Variants in TC2N observed in about 807,000 individuals in gnomAD.
TC2N encodes the protein tandem C2 domains, nuclear, also known as tandem C2 domains nuclear protein.
A neutral mutation model predicts 61.9 loss-of-function variants in TC2N; 51 were observed. The ratio of observed to expected loss-of-function variants is 0.82; its 90% CI spans 0.66 to 1.04. The LOEUF (loss-of-function observed/expected upper bound fraction) is 1.04. Among genes scored for constraint, TC2N ranks in the 50% least tolerant of loss-of-function variants. The pLI is 0.00. For missense variants in TC2N, 556 were observed against 566.7 expected, an observed-to-expected ratio of 0.98 and a Z score of 0.19; for synonymous variants, 204 against 192.6, an observed-to-expected ratio of 1.06 and a Z score of -0.49.
chr14:91,852,464 C>A (rs974605669), intron 1 of TC2N, among the ~76,000 whole-genome samples: 1 of 152,030 alleles, frequency 6.6e-6, no homozygotes, highest in East Asian at 1.9e-4. Flanking sequence ...CTAGCCTTAA[C>A]TTTTTCAATC....
At chr14:91,824,849 G>T (rs1268493940) in intron 1 of TC2N, among the ~76,000 whole-genome samples, 1 of 152,042 alleles carries the variant, frequency 6.6e-6, no homozygotes. Context: ...AGCTAGCAAA[G>T]TTCTTGATGG....
At chr14:91,792,608 T>C (rs780057901) in intron 8 of TC2N, 50 bp from the exon 9 acceptor site, 25 of 847,144 alleles carry the variant, frequency 3.0e-5, no homozygotes, top group Admixed American at 2.7e-4. Flanking sequence ...AAGGCTTATA[T>C]GCCAATACAA....
intron 4 of TC2N, among the ~76,000 whole-genome samples, chr14:91,801,321 G>T (rs1307826345): frequency 2.0e-5 from 3 of 152,100 alleles, no homozygotes; most frequent in Non-Finnish European, 4.4e-5. Context: ...AATAGCTGTT[G>T]AAGAGTTTAT....
chr14:91,783,871 C>T (rs1354410225), intron 11 of TC2N, among the ~76,000 whole-genome samples: 1 of 152,144 alleles, frequency 6.6e-6, no homozygotes, highest in Non-Finnish European at 1.5e-5. Context: ...TTGAAGTTAA[C>T]TTCTCTGAGA....
chr14:91,783,734 T>G (rs1392972883), intron 11 of TC2N, among the ~76,000 whole-genome samples: 1 of 152,102 alleles, frequency 6.6e-6, no homozygotes. Context: ...AAATACTACA[T>G]GTGAATGTAT....
chr14:91,784,373 A>C (rs140338944), intron 11 of TC2N, among the ~76,000 whole-genome samples: 6 of 152,310 alleles, frequency 3.9e-5, no homozygotes, highest in Non-Finnish European at 5.9e-5. Context: ...CATTTTAATT[A>C]GTATTTTACG....
At position 91,836,587 on chromosome 14, in the gene TC2N, A is replaced by AGGCGG. The variant is rs1888023962; in HGVS notation, c.-56-22767_-56-22763dup. The AGGCGG allele has an allele frequency of 2.1e-5, 3 of 143,732 alleles. No homozygotes were observed. The South Asian group carries it at 6.4e-4, about 31-fold the overall frequency. 8.9% of individuals were successfully genotyped at this position (143,732 alleles called of 1,614,324 possible). On this transcript the variant is annotated intron_variant, in intron 1 of 11. Transcript: ENST00000435962. ...GGGCGCTAAGGGGCGAGGCGAGGCA[A>AGGCGG]GGCGGGGAGGGGCGAGGCAAGGCGG...
chr14:91,784,242 C>T (rs904512018), intron 11 of TC2N, among the ~76,000 whole-genome samples: 6 of 152,024 alleles, frequency 3.9e-5, no homozygotes, highest in African/African-American at 7.2e-5. Context: ...AGTTGAGGCT[C>T]GATGATATAC....
chr14:91,856,138 T>G (rs912486408), intron 1 of TC2N, among the ~76,000 whole-genome samples: 3 of 152,064 alleles, frequency 2.0e-5, no homozygotes, highest in Non-Finnish European at 4.4e-5. Context: ...AAGCACCAGC[T>G]CTTTGGGGTC....
chr14:91,840,588 G>A (rs1427962207), intron 1 of TC2N, among the ~76,000 whole-genome samples: 1 of 152,098 alleles, frequency 6.6e-6, no homozygotes, highest in Non-Finnish European at 1.5e-5. Context: ...TCTCTTTCAT[G>A]CACTTTGAAG....
At chr14:91,793,039 G>T (rs936377919) in intron 8 of TC2N, among the ~76,000 whole-genome samples, 4 of 152,056 alleles carry the variant, frequency 2.6e-5, no homozygotes, top group African/African-American at 9.7e-5. Context: ...ATCTATCTCA[G>T]GCTTCAATTT....
rs561281740 is a variant in TC2N at position 91,799,182 on chromosome 14, A to G, written c.562-118T>C. Reference sequence around the variant, plus strand: ...GCATGCTAACTATTTTGACAGTGTTACAGGTCAGAATTTCCCACTTACAGG... The same window carrying G: ...GCATGCTAACTATTTTGACAGTGTTGCAGGTCAGAATTTCCCACTTACAGG... On this transcript the variant is annotated intron_variant, in intron 5 of 11. Transcript: ENST00000435962. 1.3e-4 allele frequency: 79 copies of G among 623,272 alleles called. 1 individual carries two copies. In the African/African-American group the frequency reaches 1.3e-3, roughly 10 times the overall value. The allele number at this position is 623,272 out of a possible 1,614,324, so 38.6% of individuals were successfully genotyped here. A position where few individuals can be genotyped will look rare whatever the true frequency, so the allele number is the denominator to read the frequency against.
In TC2N at chr14:91,817,818, G is replaced by A. The variant is rs74392917; in HGVS notation, c.-56-3993C>T. On this transcript the variant is annotated intron_variant, in intron 1 of 11. Transcript: ENST00000435962. Reference sequence around the variant, plus strand: ...AAGATGGAGGAAGGTAGTAGAAAGAGAGAAAAGTTTATATGAATGAAATGT... The same window carrying A: ...AAGATGGAGGAAGGTAGTAGAAAGAAAGAAAAGTTTATATGAATGAAATGT... 5.8e-3 allele frequency among the ~76,000 whole-genome samples: 877 copies of A among 152,164 alleles called. 28 individuals are homozygous for A. In the South Asian group the frequency reaches 0.079, roughly 14 times the overall value.
chr14:91,861,979 T>C (rs1595281552), intron 1 of TC2N, among the ~76,000 whole-genome samples: 1 of 151,874 alleles, frequency 6.6e-6, no homozygotes, highest in Non-Finnish European at 1.5e-5. Flanking sequence ...TGTGTATATA[T>C]ATGCATTGCA....
At chr14:91,808,292 G>C (rs1183912692) in intron 3 of TC2N, among the ~76,000 whole-genome samples, 6 of 152,124 alleles carry the variant, frequency 3.9e-5, no homozygotes, top group Non-Finnish European at 8.8e-5. Context: ...TTGTAGCCTA[G>C]GAGAAATATG....
chr14:91,811,816 T>A (rs911502157), intron 3 of TC2N, among the ~76,000 whole-genome samples: 1 of 152,028 alleles, frequency 6.6e-6, no homozygotes, highest in Non-Finnish European at 1.5e-5. Flanking sequence ...GTCCCTTATA[T>A]AAATGGTGTA....
Position 91,812,462 on chromosome 14 carries a change from C to T in TC2N, c.151G>A (p.Val51Ile). 1.2e-6 allele frequency: 2 copies of T among 1,611,738 alleles called. No homozygotes were observed. Among genetic ancestry groups the T allele is most frequent in the Non-Finnish European group, 1.7e-6 (2 of 1,178,416 alleles). The change falls in exon 3 of 12, where the codon GTA becomes ATA. Residue 51 changes from valine to isoleucine, a missense_variant. Physicochemically the swap from Val to Ile is conservative, Grantham distance 29 (BLOSUM62 3). Coordinates refer to ENST00000435962, the MANE Select transcript of TC2N (RefSeq NM_001128596.3). ...ISVPPLTSVS[V>I]KPQLGCTEDY... ...TCAGTACAGCCAAGCTGAGGCTTTACAGAAACAGAAGTCAATGGAGGTACA... is the reference window on the plus strand; with the variant it reads ...TCAGTACAGCCAAGCTGAGGCTTTATAGAAACAGAAGTCAATGGAGGTACA...
chr14:91,790,002 TG>T (rs1273324909), intron 9 of TC2N, among the ~76,000 whole-genome samples: 1 of 152,162 alleles, frequency 6.6e-6, no homozygotes, highest in East Asian at 1.9e-4. Flanking sequence ...GAGCTGGGTT[TG>T]GAATCAGACT....
intron 11 of TC2N, among the ~76,000 whole-genome samples, chr14:91,783,768 A>C (rs764916968): frequency 3.3e-5 from 5 of 152,144 alleles, no homozygotes; most frequent in Non-Finnish European, 5.9e-5. Context: ...CAAATTGTAC[A>C]AAAGACATCA....
Sources: gnomAD v4.1 joint callset for allele counts (sites outside exome capture counted in the v4.1 genomes callset) on GRCh38, gnomAD v4.1.1 for gene constraint, MANE v1.5 for transcripts, NCBI Gene and HGNC (gene_info 2026-07-23, HGNC 2026-07-21) for gene names.